The following COL5A3 variants were observed in gnomAD, a reference collection of about 807,000 sequenced individuals.
The protein encoded by COL5A3 is collagen alpha-3(V) chain.
In COL5A3, 172 loss-of-function variants were observed where a neutral mutation model predicts 250.0. The ratio of observed to expected loss-of-function variants is 0.69; its 90% confidence interval spans 0.61 to 0.78. The LOEUF (loss-of-function observed/expected upper bound fraction) is 0.78. Ranked by LOEUF, COL5A3 falls within the 30% of genes least tolerant of loss-of-function variation. The pLI is 0.00. For synonymous variants in COL5A3, 937 were observed against 900.4 expected (o/e 1.04, Z -0.73); for missense variants, 2,340 against 2,334.4 (o/e 1.00, Z -0.05).
At chr19:9,967,247 CA>C (rs1212823548) in intron 62 of COL5A3, 99 bp downstream of exon 62, 7 of 815,208 alleles carry the variant, frequency 8.6e-6, no homozygotes, top group Non-Finnish European at 1.3e-5. Flanking sequence ...GTGCCTGGCC[CA>C]GTGCTGCGCA....
In COL5A3 at chr19:9,996,687, G is replaced by A; in HGVS notation, c.1266C>T (p.Gly422=). Residue 422 remains glycine (G), a splice_region_variant and synonymous_variant, in exon 12 of 67, where the codon GGC becomes GGT. Transcript: ENST00000264828. The part of the protein sequence containing the change: ...PGFPGDPGPP[G]PAGLPGIPGI... ...CGGGGATTCCTGGGAGGCCAGCAGG[G>A]CCCTGAGAGAGGGATGGGGGAAGAG... 6.2e-7 allele frequency: 1 copy of A among 1,601,592 alleles called. No homozygotes were observed. The highest frequency in any genetic ancestry group is 8.5e-7 in the Non-Finnish European group (1 of 1,176,636).
At chr19:9,974,693 G>C (rs1375554294) in intron 45 of COL5A3, among the ~76,000 whole-genome samples, 1 of 152,130 alleles carries the variant, frequency 6.6e-6, no homozygotes, top group Non-Finnish European at 1.5e-5. Flanking sequence ...TTGGGTTTGA[G>C]GTTGGGCCCA....
At chr19:9,993,501 G>T (rs2145123667) in intron 18 of COL5A3, 68 bp from the exon 19 acceptor site, 1 of 1,585,600 alleles carries the variant, frequency 6.3e-7, no homozygotes, top group East Asian at 2.2e-5. Context: ...CCCTGGGAAG[G>T]CAGATGGGGT....
intron 54 of COL5A3, among the ~76,000 whole-genome samples, chr19:9,970,168 G>C (rs373208728): frequency 1.5e-5 from 1 of 66,422 alleles, no homozygotes; most frequent in African/African-American, 6.5e-5. Flanking sequence ...TGTGGGGTGA[G>C]TGGGGTCTGT....
At chr19:10,008,937 G>A (rs115434347) in intron 1 of COL5A3, among the ~76,000 whole-genome samples, 2,510 of 152,148 alleles carry the variant, frequency 0.016, 69 homozygotes, top group African/African-American at 0.057. Context: ...ATTTGAGCAC[G>A]TGGGAGGGTC....
intron 57 of COL5A3, among the ~76,000 whole-genome samples, 158 bp downstream of exon 57, chr19:9,969,191 G>A (rs935383564): frequency 3.3e-5 from 5 of 152,098 alleles, no homozygotes; most frequent in Non-Finnish European, 5.9e-5. Flanking sequence ...AGACCATCAG[G>A]GTGGAAGGTC....
intron 31 of COL5A3, 130 bp from the exon 32 acceptor site, chr19:9,982,248 C>T: frequency 1.6e-6 from 1 of 615,086 alleles, no homozygotes; most frequent in East Asian, 3.1e-5. Context: ...CTCTACAGCC[C>T]CAGCCTCCTA....
intron 61 of COL5A3, 31 bp from the exon 62 acceptor site, chr19:9,967,431 C>G (rs58364301): frequency 0.17 from 247,126 of 1,468,568 alleles, 23,889 homozygotes; most frequent in South Asian, 0.34. Context: ...GAGAATGAAC[C>G]CTGTCTATGG....
chr19:9,967,117 A>G (rs986187483), intron 62 of COL5A3, among the ~76,000 whole-genome samples: 3 of 152,048 alleles, frequency 2.0e-5, no homozygotes, highest in African/African-American at 7.2e-5. Context: ...GGTCCAAGAG[A>G]CAAGACCCAG....
chr19:9,993,854 C>T, intron 16 of COL5A3, 48 bp from the exon 17 acceptor site: 1 of 1,539,436 alleles, frequency 6.5e-7, no homozygotes, highest in East Asian at 2.3e-5. Context: ...TTCCCTGTAC[C>T]CCTCCACCAA....
In COL5A3 at chr19:10,006,082, G is replaced by T. The variant is rs776134132; in HGVS notation, c.238C>A (p.Leu80Ile). 2.5e-6 allele frequency: 4 copies of T among 1,613,920 alleles called. No homozygotes were observed. In the Admixed American group the frequency reaches 6.7e-5, roughly 27 times the overall value. The change falls in exon 2 of 67, where the codon CTC becomes ATC. Residue 80 changes from leucine to isoleucine, a missense_variant. Transcript: ENST00000264828. ...TCCTACTCCAACTCACCTGGAAAGA[G>T]TTCCCACGTGGGGATGCCGAGCGTG... ...ASTLGIPTWE[L>I]FPEGHFPENF...
chr19:10,003,638 C>T lies in COL5A3; in HGVS notation c.776G>A (p.Arg259His), dbSNP rs763735614. 21 of 1,614,174 alleles carry T rather than the reference C, an allele frequency of 1.3e-5. No homozygotes were observed. Among genetic ancestry groups the T allele is most frequent in the East Asian group, 6.7e-5 (3 of 44,888 alleles). Residue 259 changes from arginine (R) to histidine (H), a missense_variant, in exon 6 of 67, where the codon CGC (arginine) becomes CAC (histidine). Coordinates refer to ENST00000264828, the MANE Select transcript of COL5A3 (RefSeq NM_015719.4). Reference sequence around the variant, plus strand: ...GTTCTTTTTCCTGCCCTTCCCCTTGCGACCTCGCCCTTTCTTCCTCCCTTT... The same window carrying T: ...GTTCTTTTTCCTGCCCTTCCCCTTGTGACCTCGCCCTTTCTTCCTCCCTTT... ...KGKGRKKGRG[R>H]KGKGRKKNKE... is the part of the protein sequence containing the mutation.
intron 27 of COL5A3, 137 bp downstream of exon 27, chr19:9,988,987 C>G: frequency 1.2e-6 from 1 of 866,672 alleles, no homozygotes; most frequent in Non-Finnish European, 1.9e-6. Flanking sequence ...CTGTGCAGCT[C>G]CAAACCCCAG....
Position 9,960,367 on chromosome 19 carries a change from C to A in COL5A3, c.*44G>T. 6.2e-7 allele frequency: 1 copy of A among 1,611,532 alleles called. No individual in the cohort carries two copies. Among genetic ancestry groups the A allele is most frequent in the South Asian group, 1.1e-5 (1 of 90,972 alleles). ...TTCAAAGCCTCAGCACCAAATGCAC[C>A]CCATTCTGGGGCTCCCTCATGGTCC... On this transcript the variant is annotated 3_prime_UTR_variant, in exon 67 of 67. Coordinates refer to ENST00000264828, the MANE Select transcript of COL5A3 (RefSeq NM_015719.4).
intron 16 of COL5A3, among the ~76,000 whole-genome samples, chr19:9,994,778 A>G (rs2087246326): frequency 6.6e-6 from 1 of 151,360 alleles, no homozygotes; most frequent in East Asian, 1.9e-4. Flanking sequence ...AACCTGAACA[A>G]TGTGCGACTG....
rs560356042 is a variant in COL5A3 at position 9,968,176 on chromosome 19, G to A, written c.4315-97C>T. 1.6e-5 allele frequency: 20 copies of A among 1,261,462 alleles called. No homozygotes were observed. The highest frequency in any genetic ancestry group is 2.4e-4 in the Middle Eastern group (1 of 4,100). The allele number at this position is 1,261,462 out of a possible 1,614,324, so 78.1% of individuals were successfully genotyped here. A position where few individuals can be genotyped will look rare whatever the true frequency, so the allele number is the denominator to read the frequency against. On this transcript the variant is annotated intron_variant, in intron 59 of 66. Coordinates refer to ENST00000264828, the MANE Select transcript of COL5A3 (RefSeq NM_015719.4). The surrounding 1 kb of genome is among the most constrained non-coding windows in gnomAD (Gnocchi z 4.1). ...TTCAATCCTACCAAAGGAAGACCCC[G>A]AACCCTAGACAAGCCTCCAGTTCCC...
At chr19:9,979,962 AC>A in intron 36 of COL5A3, 31 bp downstream of exon 36, 2 of 1,577,150 alleles carry the variant, frequency 1.3e-6, no homozygotes, top group Non-Finnish European at 1.7e-6. Flanking sequence ...TCCTCCACCC[AC>A]CCAACCCCCA....
intron 62 of COL5A3, 118 bp from the exon 63 acceptor site, chr19:9,966,864 G>A: frequency 1.3e-6 from 1 of 767,542 alleles, no homozygotes; most frequent in South Asian, 1.8e-5. Flanking sequence ...AGAGGAGGGA[G>A]AGAGATAAAC....
At chr19:9,970,454 T>TATGTGGGTGAGTGAGGG (rs2086826182) in intron 54 of COL5A3, among the ~76,000 whole-genome samples, 168 bp downstream of exon 54, 2 of 22,248 alleles carry the variant, frequency 9.0e-5, no homozygotes, top group African/African-American at 2.9e-4. Context: ...GTGAGTGGGG[T>TATGTGGGTGAGTGAGGG]CTGTGGGTGT....
Sources: allele counts gnomAD v4.1 joint callset (sites outside exome capture counted in the v4.1 genomes callset), GRCh38; gene constraint gnomAD v4.1.1; non-coding constraint Gnocchi (gnomAD v3.1); transcripts MANE v1.5; gene names NCBI Gene and HGNC (gene_info 2026-07-23, HGNC 2026-07-21).